PCDH11X: variants seen among roughly 807,000 people sequenced by gnomAD.
The protein encoded by PCDH11X is protocadherin 11 X-linked.
In PCDH11X, 18 loss-of-function variants were observed where a neutral mutation model predicts 53.3. The observed-to-expected ratio is 0.34, with a 90% CI of 0.23 to 0.50. The LOEUF (loss-of-function observed/expected upper bound fraction) is 0.50, where lower values mean the gene tolerates loss of function less well. PCDH11X is among the 20% of genes least tolerant of loss of function. The pLI, the probability that PCDH11X is intolerant of heterozygous loss-of-function variation, is 0.98. For missense variants in PCDH11X, 570 were observed against 1,032.4 expected (o/e 0.55, Z 6.14); for synonymous variants, 279 against 393.3 (o/e 0.71, Z 3.44).
At chrX:92,186,077 T>C (rs1305933843) in intron 6 of PCDH11X, among the ~76,000 whole-genome samples, 1 of 111,756 alleles carries the variant, frequency 8.9e-6, no homozygotes. Flanking sequence ...TATAGCACTA[T>C]ACATGATAGC....
chrX:91,898,020 G>T (rs1402211143), intron 6 of PCDH11X, among the ~76,000 whole-genome samples: 1 of 111,278 alleles, frequency 9.0e-6, no homozygotes, highest in African/African-American at 3.3e-5. Context: ...TAGCTGCATG[G>T]TCTTTATCCT....
chrX:91,894,995 A>G (rs1234229689), intron 6 of PCDH11X, among the ~76,000 whole-genome samples: 1 of 111,085 alleles, frequency 9.0e-6, no homozygotes, highest in Non-Finnish European at 1.9e-5. Flanking sequence ...ACATAGGGGC[A>G]TGCACCTTGA....
intron 10 of PCDH11X, among the ~76,000 whole-genome samples, chrX:92,545,433 G>GC (rs1469114850): frequency 1.2e-5 from 1 of 82,142 alleles, no homozygotes; most frequent in Non-Finnish European, 2.2e-5. Flanking sequence ...GCGGAGTCTC[G>GC]CTCTGTCACC....
At chrX:92,146,698 G>A (rs1236782296) in intron 6 of PCDH11X, among the ~76,000 whole-genome samples, 2 of 111,708 alleles carry the variant, frequency 1.8e-5, no homozygotes, top group Non-Finnish European at 3.8e-5. Flanking sequence ...TATAACTTGA[G>A]TAATAAATAC....
At chrX:91,866,605 T>C (rs1939003060) in intron 5 of PCDH11X, among the ~76,000 whole-genome samples, 1 of 111,108 alleles carries the variant, frequency 9.0e-6, no homozygotes, top group Non-Finnish European at 1.9e-5. Context: ...ACTGCAGCAG[T>C]TGGGGGAGGA....
At chrX:92,092,539 A>G (rs1265489603) in intron 6 of PCDH11X, among the ~76,000 whole-genome samples, 1 of 111,283 alleles carries the variant, frequency 9.0e-6, no homozygotes, top group Non-Finnish European at 1.9e-5. Flanking sequence ...TGAACATTAG[A>G]TCGGTTGGAA....
At chrX:91,785,637 A>G (rs1345599129) in intron 1 of PCDH11X, among the ~76,000 whole-genome samples, 2 of 111,294 alleles carry the variant, frequency 1.8e-5, no homozygotes, top group Non-Finnish European at 3.8e-5. Flanking sequence ...ATATGACAAC[A>G]TTCCAAATTA....
At chrX:92,556,688 T>C (rs1238971905) in intron 10 of PCDH11X, among the ~76,000 whole-genome samples, 2 of 109,949 alleles carry the variant, frequency 1.8e-5, no homozygotes, top group African/African-American at 3.3e-5. Context: ...CAGGTGCACA[T>C]TGCAATCTGT....
chrX:92,038,759 G>A (rs1174101672), intron 6 of PCDH11X, among the ~76,000 whole-genome samples: 3 of 106,951 alleles, frequency 2.8e-5, no homozygotes, highest in African/African-American at 6.9e-5. Flanking sequence ...TTGAAATGGG[G>A]ACGGGTCTTT....
chrX:92,598,351 GA>G (rs201865452), intron 10 of PCDH11X, among the ~76,000 whole-genome samples: 24,927 of 109,616 alleles, frequency 0.23, 2,236 homozygotes, highest in African/African-American at 0.28. Flanking sequence ...TTAAAAAAAA[GA>G]AAAAAACACT....
intron 6 of PCDH11X, among the ~76,000 whole-genome samples, chrX:92,114,823 C>CATTT (rs200665364): frequency 0.12 from 13,045 of 108,846 alleles, 1,073 homozygotes; most frequent in East Asian, 0.42. Flanking sequence ...CTGTCCTTTC[C>CATTT]ATTTATTTAT....
chrX:92,010,075 C>T (rs1469907913), intron 6 of PCDH11X, among the ~76,000 whole-genome samples: 4 of 110,977 alleles, frequency 3.6e-5, no homozygotes, highest in African/African-American at 1.3e-4. Flanking sequence ...CTCTACAAAT[C>T]AACTTTATAT....
chrX:92,081,262 A>G (rs2063851956), intron 6 of PCDH11X, among the ~76,000 whole-genome samples: 1 of 110,507 alleles, frequency 9.0e-6, no homozygotes, highest in Non-Finnish European at 1.9e-5. Context: ...AGTCCCCCTC[A>G]TATTAAATAA....
chrX:92,332,342 C>G (rs974811056), intron 8 of PCDH11X, among the ~76,000 whole-genome samples: 1 of 111,626 alleles, frequency 9.0e-6, no homozygotes, highest in Non-Finnish European at 1.9e-5. Flanking sequence ...TCAGGTTAGC[C>G]TTTTGTCTTA....
At chrX:92,167,893 A>G (rs1470952894) in intron 6 of PCDH11X, among the ~76,000 whole-genome samples, 1 of 111,030 alleles carries the variant, frequency 9.0e-6, no homozygotes, top group African/African-American at 3.3e-5. Context: ...TAAGAAAGAA[A>G]ACAAGATAGC....
chrX:92,611,184 C>G (rs1927337980), intron 10 of PCDH11X, among the ~76,000 whole-genome samples: 1 of 109,369 alleles, frequency 9.1e-6, no homozygotes, highest in Admixed American at 9.8e-5. Flanking sequence ...CTGTATTTTG[C>G]TTTGGATAGT....
At position 92,623,034 on chromosome X, in the gene PCDH11X, A is replaced by G. The variant is rs771738718; in HGVS notation, c.*4094A>G. The G allele has an allele frequency of 9.0e-6, 1 of 110,657 alleles. No individual in the cohort carries two copies. The highest frequency in any genetic ancestry group is 2.8e-4 in the East Asian group (1 of 3,512). The allele number at this position is 110,657 out of a possible 1,213,427, so 9.1% of individuals were successfully genotyped here. On this transcript the variant is annotated 3_prime_UTR_variant, in exon 11 of 11. Transcript: ENST00000682573. ...ATTGTGGGAAGATTCCTCCTCTGTG[A>G]TATCATACAGCATCTGAAAGTGAAC...
chrX:91,994,595 C>T (rs1411551374), intron 6 of PCDH11X, among the ~76,000 whole-genome samples: 1 of 100,378 alleles, frequency 1.0e-5, no homozygotes, highest in Non-Finnish European at 2.0e-5. Flanking sequence ...GTGAATAATG[C>T]TGCAAAGAAC....
chrX:91,931,496 G>T (rs1252916161), intron 6 of PCDH11X, among the ~76,000 whole-genome samples: 2 of 110,805 alleles, frequency 1.8e-5, no homozygotes, highest in Admixed American at 1.9e-4. Context: ...CACTAAAATT[G>T]AAAAAGCAAA....
Sources: allele counts gnomAD v4.1 joint callset (sites outside exome capture counted in the v4.1 genomes callset), GRCh38; gene constraint gnomAD v4.1.1; transcripts MANE v1.5; gene names NCBI Gene and HGNC (gene_info 2026-07-23, HGNC 2026-07-21).